CHL1: variants seen among roughly 807,000 people sequenced by gnomAD.
CHL1 encodes the protein cell adhesion molecule L1 like, also known as neural cell adhesion molecule L1-like protein.
Under a neutral mutation model 141.9 loss-of-function variants are expected in CHL1, and 96 were observed. That is an observed-to-expected ratio of 0.68 (90% confidence interval 0.57 to 0.80). CHL1 has a LOEUF of 0.80. CHL1 is among the 30% of genes least tolerant of loss of function. The probability of loss-of-function intolerance (pLI) is 0.00; values close to 1 mark genes in which losing one functional copy is unlikely to be tolerated. For synonymous variants in CHL1, 613 were observed against 502.2 expected, an observed-to-expected ratio of 1.22 and a Z score of -2.95; for missense variants, 1,820 against 1,457.2, an observed-to-expected ratio of 1.25 and a Z score of -4.05.
At chr3:201,430 T>C (rs1435372516) in intron 1 of CHL1, among the ~76,000 whole-genome samples, 2 of 152,226 alleles carry the variant, frequency 1.3e-5, no homozygotes, top group Non-Finnish European at 2.9e-5. Context: ...CACTTTCACA[T>C]AATTTATTCC....
At chr3:222,592 G>A (rs1168979870) in intron 1 of CHL1, among the ~76,000 whole-genome samples, 3 of 152,110 alleles carry the variant, frequency 2.0e-5, no homozygotes, top group Non-Finnish European at 2.9e-5. Context: ...TTGGGAAAAC[G>A]AATAGATGGA....
At chr3:275,511 A>T (rs1696010988) in intron 2 of CHL1, among the ~76,000 whole-genome samples, 1 of 152,174 alleles carries the variant, frequency 6.6e-6, no homozygotes, top group Non-Finnish European at 1.5e-5. Context: ...TATCTTATGA[A>T]TTGTTTTAGG....
chr3:304,236 C>T (rs1042445413), intron 2 of CHL1, among the ~76,000 whole-genome samples: 1 of 152,148 alleles, frequency 6.6e-6, no homozygotes, highest in African/African-American at 2.4e-5. Context: ...GTTTTGGTAT[C>T]AGGATGATGC....
chr3:276,064 A>G (rs979100368), intron 2 of CHL1, among the ~76,000 whole-genome samples: 40 of 152,030 alleles, frequency 2.6e-4, no homozygotes, highest in African/African-American at 9.6e-4. Flanking sequence ...GTTGAACTCT[A>G]AAGTCGAAAT....
chr3:310,628 G>A (rs1056962802), intron 2 of CHL1, among the ~76,000 whole-genome samples: 1 of 152,044 alleles, frequency 6.6e-6, no homozygotes, highest in African/African-American at 2.4e-5. Flanking sequence ...TGGGCAGAAC[G>A]TGCAGAAATT....
At chr3:342,186 C>A in intron 7 of CHL1, 104 bp downstream of exon 7, 5 of 1,024,882 alleles carry the variant, frequency 4.9e-6, no homozygotes, top group Non-Finnish European at 7.1e-6. Flanking sequence ...TATTTTGCAC[C>A]ATTGTGCAGT....
rs1483681707 is a variant in CHL1 at position 398,372 on chromosome 3, G to A, written c.3240G>A (p.Glu1080=). 6 of 1,598,566 alleles carry A rather than the reference G, an allele frequency of 3.8e-6. No individual in the cohort carries two copies. The highest frequency in any genetic ancestry group is 4.3e-6 in the Non-Finnish European group (5 of 1,166,348). ...ATAGCATTTTTCAAGATGTAATTGA[G>A]ACAAGAGGGAGAGGTGAGAAATGAG... ...DNDSIFQDVI[E]TRGREYAGLY... The change falls in exon 25 of 28, where the codon GAG becomes GAA. Residue 1080 remains glutamate (E), a synonymous_variant. Coordinates refer to ENST00000256509, the MANE Select transcript of CHL1 (RefSeq NM_006614.4).
At chr3:290,040 T>C (rs644934) in intron 2 of CHL1, among the ~76,000 whole-genome samples, 54 of 150,494 alleles carry the variant, frequency 3.6e-4, no homozygotes, top group East Asian at 2.0e-3. Context: ...TCACCCCTCA[T>C]TGAAGCTTGT....
At chr3:231,353 C>T (rs1460896281) in intron 1 of CHL1, among the ~76,000 whole-genome samples, 1 of 152,064 alleles carries the variant, frequency 6.6e-6, no homozygotes, top group Non-Finnish European at 1.5e-5. Context: ...ATTACCACTG[C>T]CACTTTTCTC....
chr3:269,225 G>A (rs912604922), intron 2 of CHL1, among the ~76,000 whole-genome samples: 4 of 152,206 alleles, frequency 2.6e-5, no homozygotes, highest in Non-Finnish European at 5.9e-5. Context: ...ATTGTGGAAT[G>A]TGCATCATTT....
At chr3:352,584 G>A (rs1703361614) in intron 10 of CHL1, among the ~76,000 whole-genome samples, 1 of 152,000 alleles carries the variant, frequency 6.6e-6, no homozygotes, top group Admixed American at 6.6e-5. Context: ...CTATGAGGAT[G>A]GTATTTTTCC....
intron 1 of CHL1, among the ~76,000 whole-genome samples, chr3:243,298 A>C (rs1195841498): frequency 6.6e-6 from 1 of 152,294 alleles, no homozygotes; most frequent in South Asian, 2.1e-4. Context: ...GTACTCTTCT[A>C]CTTAGGTAAA....
chr3:349,727 A>G (rs34004189), intron 10 of CHL1, among the ~76,000 whole-genome samples, 184 bp downstream of exon 10: 19 of 152,358 alleles, frequency 1.2e-4, no homozygotes, highest in Non-Finnish European at 1.9e-4. Flanking sequence ...CCCCAAAATG[A>G]CATAGAAGGG....
At chr3:337,198 T>G (rs867899513) in intron 5 of CHL1, among the ~76,000 whole-genome samples, 1,612 of 145,812 alleles carry the variant, frequency 0.011, 43 homozygotes, top group African/African-American at 0.038. Context: ...TTTGTTTTTT[T>G]TTTTTTTTTT....
chr3:219,453 A>G (rs1700630289), intron 1 of CHL1, among the ~76,000 whole-genome samples: 3 of 152,196 alleles, frequency 2.0e-5, no homozygotes, highest in Admixed American at 2.0e-4. Flanking sequence ...GACATCAATA[A>G]CAGACTGGAT....
rs569106229 is a variant in CHL1, at chr3:324,128, G to C, written c.92-1831G>C. 4.0e-5 allele frequency among the ~76,000 whole-genome samples: 6 copies of C among 149,536 alleles called. No homozygotes were observed. In the South Asian group the frequency reaches 1.3e-3, roughly 31 times the overall value. ...TTGTAATTTGTAAGACTGCAAAAGA[G>C]TCCTGAGACCAACACGTTGAGAACA... On this transcript the variant is annotated intron_variant, in intron 3 of 27. Transcript: ENST00000256509.
intron 12 of CHL1, among the ~76,000 whole-genome samples, chr3:361,070 A>G (rs886686689): frequency 1.3e-5 from 2 of 152,066 alleles, no homozygotes; most frequent in Admixed American, 6.6e-5. Context: ...AGGTGTCTTT[A>G]TAGCAGCATG....
intron 1 of CHL1, among the ~76,000 whole-genome samples, chr3:223,862 T>G (rs1701088172): frequency 6.6e-6 from 1 of 152,174 alleles, no homozygotes; most frequent in Admixed American, 6.6e-5. Context: ...AAAGCTGTCT[T>G]CTTACATGAA....
chr3:393,199 C>G (rs1708383618), intron 23 of CHL1, among the ~76,000 whole-genome samples: 2 of 126,362 alleles, frequency 1.6e-5, no homozygotes, highest in South Asian at 5.2e-4. Flanking sequence ...AGCCACTGCA[C>G]TCCAGCCTGG....
Sources: allele counts gnomAD v4.1 joint callset (sites outside exome capture counted in the v4.1 genomes callset), GRCh38; gene constraint gnomAD v4.1.1; transcripts MANE v1.5; gene names NCBI Gene and HGNC (gene_info 2026-07-23, HGNC 2026-07-21).